The following VPS35L variants were observed in gnomAD, a reference collection of about 807,000 sequenced individuals.
VPS35L encodes the protein VPS35 endosomal protein sorting factor like, also known as VPS35 endosomal protein-sorting factor-like.
A neutral mutation model predicts 133.0 loss-of-function variants in VPS35L; 83 were observed. The observed-to-expected ratio is 0.62, with a 90% confidence interval of 0.52 to 0.75. VPS35L has a LOEUF of 0.75. VPS35L is among the 30% of genes least tolerant of loss of function. The pLI is 0.00. For synonymous variants in VPS35L, 423 were observed against 449.9 expected (o/e 0.94, Z 0.76); for missense variants, 1,083 against 1,206.8 (o/e 0.90, Z 1.52).
rs57588233 is a variant in VPS35L, at chr16:19,662,553, A to G, written c.2222-6607A>G. 6.0e-3 allele frequency among the ~76,000 whole-genome samples: 920 copies of G among 152,334 alleles called. 11 individuals are homozygous for G. The highest frequency in any genetic ancestry group is 0.021 in the African/African-American group (858 of 41,574). ...ACAAAGGTCTCGAGTAAACACCACT[A>G]GAAGGTAATTAACATTGCCGACCTC... On this transcript the variant is annotated intron_variant, in intron 26 of 30. Transcript: ENST00000417362.
rs115373560 is a variant in VPS35L at position 19,699,166 on chromosome 16, A to G, written c.2647-336A>G. ...CCTTTCAGTTTTCAGCTGTACTTGC[A>G]TTAAAGCAAGGCTTGTCCCTGCTGG... On this transcript the variant is annotated intron_variant, in intron 29 of 30. Coordinates refer to ENST00000417362, the MANE Select transcript of VPS35L (RefSeq NM_020314.7). This position sits in a 1 kb window ranked among gnomAD's most constrained non-coding sequence, Gnocchi z 4.2. Among the ~76,000 whole-genome samples the G allele has an allele frequency of 2.4e-3, 363 of 152,306 alleles. 3 individuals are homozygous for G. The highest frequency in any genetic ancestry group is 8.4e-3 in the African/African-American group (349 of 41,574).
intron 9 of VPS35L, among the ~76,000 whole-genome samples, chr16:19,606,401 A>G (rs1972538998): frequency 6.6e-6 from 1 of 152,120 alleles, no homozygotes; most frequent in African/African-American, 2.4e-5. Context: ...TTGAAAGTAG[A>G]AAAAAAAGTT....
chr16:19,597,182 A>G (rs1972243226), intron 8 of VPS35L, among the ~76,000 whole-genome samples: 1 of 152,072 alleles, frequency 6.6e-6, no homozygotes, highest in South Asian at 2.1e-4. Flanking sequence ...CATCCTGGGC[A>G]GCATAGCAAA....
At chr16:19,561,325 C>G (rs1216753547) in intron 1 of VPS35L, among the ~76,000 whole-genome samples, 1 of 152,082 alleles carries the variant, frequency 6.6e-6, no homozygotes, top group Admixed American at 6.6e-5. Flanking sequence ...GAGCGGAGAT[C>G]GCGCCACTGC....
At chr16:19,663,165 G>C (rs1292480965) in intron 26 of VPS35L, among the ~76,000 whole-genome samples, 1 of 151,958 alleles carries the variant, frequency 6.6e-6, no homozygotes, top group East Asian at 1.9e-4. Context: ...CAAAAAATTA[G>C]CTGGGCATGG....
Position 19,700,539 on chromosome 16 carries a change from GC to G in VPS35L, c.*66del. ...CAAATCCAGAAAGATCTGCTCTGCTGCCCTGAACTCTTACGGCAATTTAGGT... is the reference window on the plus strand; with the variant it reads ...CAAATCCAGAAAGATCTGCTCTGCTGCCTGAACTCTTACGGCAATTTAGGT... On this transcript the variant is annotated 3_prime_UTR_variant, in exon 31 of 31. Coordinates refer to ENST00000417362, the MANE Select transcript of VPS35L (RefSeq NM_020314.7). 2.2e-6 allele frequency: 3 copies of G among 1,342,696 alleles called. No homozygotes were observed. The highest frequency in any genetic ancestry group is 3.2e-6 in the Non-Finnish European group (3 of 944,294). 83.2% of individuals were successfully genotyped at this position (1,342,696 alleles called of 1,614,324 possible).
At chr16:19,689,919 T>G (rs949978748) in intron 28 of VPS35L, among the ~76,000 whole-genome samples, 2 of 152,138 alleles carry the variant, frequency 1.3e-5, no homozygotes, top group Non-Finnish European at 2.9e-5. Flanking sequence ...TTTATTTTAT[T>G]TTGTTTATTT....
At chr16:19,627,124 A>T (rs1000175610) in intron 15 of VPS35L, among the ~76,000 whole-genome samples, 1 of 152,106 alleles carries the variant, frequency 6.6e-6, no homozygotes, top group Non-Finnish European at 1.5e-5. Context: ...TCTACTAAAA[A>T]TACATAAAAT....
chr16:19,691,293 TCCCTGGCCAGCATG>T, intron 28 of VPS35L, 46 bp from the exon 29 acceptor site: 10 of 1,387,592 alleles, frequency 7.2e-6, no homozygotes, highest in Non-Finnish European at 1.0e-5. Context: ...CGGCTGCCTC[TCCCTGGCCAGCATG>T]GCCGCGGGGC....
intron 9 of VPS35L, among the ~76,000 whole-genome samples, chr16:19,606,013 A>G (rs1972527270): frequency 6.6e-6 from 1 of 152,222 alleles, no homozygotes; most frequent in African/African-American, 2.4e-5. Flanking sequence ...TAAGATTTTA[A>G]AGTCCCACGT....
intron 9 of VPS35L, among the ~76,000 whole-genome samples, chr16:19,604,597 A>G (rs1309111343): frequency 6.6e-6 from 1 of 152,202 alleles, no homozygotes; most frequent in Non-Finnish European, 1.5e-5. Context: ...ACAGTAGATT[A>G]TGTTTTTCAA....
chr16:19,650,331 T>A (rs764881965), intron 24 of VPS35L, 51 bp from the exon 25 acceptor site: 2 of 1,399,650 alleles, frequency 1.4e-6, no homozygotes, highest in Non-Finnish European at 2.0e-6. Flanking sequence ...AAGACACTCA[T>A]CTGAATCGGC....
At chr16:19,655,833 C>G (rs55856517) in intron 26 of VPS35L, among the ~76,000 whole-genome samples, 1 of 152,102 alleles carries the variant, frequency 6.6e-6, no homozygotes, top group South Asian at 2.1e-4. Flanking sequence ...AGTCCCTTCT[C>G]TAGGTAACTT....
chr16:19,667,888 G>T (rs1974749249), intron 26 of VPS35L, among the ~76,000 whole-genome samples: 1 of 152,078 alleles, frequency 6.6e-6, no homozygotes, highest in Non-Finnish European at 1.5e-5. Flanking sequence ...CACAGTTGGG[G>T]CTTAATAAAT....
At position 19,647,858 on chromosome 16, in the gene VPS35L, G is replaced by A. The variant is rs1207327881; in HGVS notation, c.2004G>A (p.Glu668=). 1.2e-6 allele frequency: 2 copies of A among 1,613,784 alleles called. No individual in the cohort carries two copies. The highest frequency in any genetic ancestry group is 1.3e-5 in the African/African-American group (1 of 74,872). ...CCAGGTCGATGTTTTGCAATCTGGA[G>A]CCTGTTCTTGTGCAGTTGATTCATG... ...VESRSMFCNL[E]PVLVQLIHSV... The change falls in exon 24 of 31, where the codon GAG becomes GAA. Residue 668 remains glutamate, a synonymous_variant. Coordinates refer to ENST00000417362, the MANE Select transcript of VPS35L (RefSeq NM_020314.7).
At chr16:19,642,119 A>T (rs1391378266) in intron 21 of VPS35L, among the ~76,000 whole-genome samples, 1 of 152,130 alleles carries the variant, frequency 6.6e-6, no homozygotes, top group Non-Finnish European at 1.5e-5. Context: ...CTGAGGCAGG[A>T]GGATCACTCC....
chr16:19,589,576 A>G (rs71384420), intron 7 of VPS35L, among the ~76,000 whole-genome samples: 19,547 of 152,196 alleles, frequency 0.13, 1,553 homozygotes, highest in East Asian at 0.34. Flanking sequence ...TACCTGGGTT[A>G]CCTGATTCTT....
At chr16:19,687,871 G>T (rs1975518246) in intron 28 of VPS35L, among the ~76,000 whole-genome samples, 1 of 151,822 alleles carries the variant, frequency 6.6e-6, no homozygotes, top group African/African-American at 2.4e-5. Flanking sequence ...CCAGCACTTT[G>T]GGAGGCCAAG....
In VPS35L at chr16:19,697,008, T is replaced by A. The variant is rs1451621087; in HGVS notation, c.2647-2494T>A. Reference sequence around the variant, plus strand: ...AAAGGAGAGCAGGATGGGCTCAGGTTCCCACTTGGGGCATAACTGCATTGT... The same window carrying A: ...AAAGGAGAGCAGGATGGGCTCAGGTACCCACTTGGGGCATAACTGCATTGT... On this transcript the variant is annotated intron_variant, in intron 29 of 30. Transcript: ENST00000417362. 3.9e-5 allele frequency among the ~76,000 whole-genome samples: 6 copies of A among 152,182 alleles called. No individual in the cohort carries two copies. The East Asian group carries it at 1.2e-3, about 29-fold the overall frequency.
Sources: gnomAD v4.1 joint callset for allele counts (sites outside exome capture counted in the v4.1 genomes callset) on GRCh38, gnomAD v4.1.1 for gene constraint, Gnocchi (gnomAD v3.1) non-coding constraint, MANE v1.5 for transcripts, NCBI Gene and HGNC (gene_info 2026-07-23, HGNC 2026-07-21) for gene names.